The following SHTN1 variants were observed in gnomAD, a reference collection of about 807,000 sequenced individuals.
SHTN1 encodes shootin 1, also known as shootin-1.
SHTN1 carries 42 observed loss-of-function variants against 83.1 expected under a neutral mutation model. The observed-to-expected ratio is 0.51, with a 90% CI of 0.39 to 0.65. The LOEUF (loss-of-function observed/expected upper bound fraction) is 0.65. Ranked by LOEUF, SHTN1 falls within the 30% of genes least tolerant of loss-of-function variation. SHTN1 has a pLI of 0.00. For missense variants in SHTN1, 622 were observed against 737.8 expected, an observed-to-expected ratio of 0.84 and a Z score of 1.82; for synonymous variants, 224 against 247.7, an observed-to-expected ratio of 0.90 and a Z score of 0.90.
intron 11 of SHTN1, among the ~76,000 whole-genome samples, chr10:116,927,013 C>T (rs1311944725): frequency 6.6e-6 from 1 of 152,134 alleles, no homozygotes; most frequent in Non-Finnish European, 1.5e-5. Flanking sequence ...TAAACATAAT[C>T]TATCTTTCTT....
At position 116,884,266 on chromosome 10, in the gene SHTN1, C is replaced by A. The variant is rs1264567231; in HGVS notation, c.*2078G>T. ...TCCCTTGCTTTGGTTGACAGTGTCA[C>A]CCCAGCCAGGGGCAAAACCCCCTCA... On this transcript the variant is annotated 3_prime_UTR_variant, in exon 17 of 17. Transcript: ENST00000355371. The A allele has an allele frequency of 6.5e-6, 3 of 459,160 alleles. No homozygotes were observed. In the Admixed American group the frequency reaches 7.0e-5, roughly 11 times the overall value. The allele number at this position is 459,160 out of a possible 1,614,324, so 28.4% of individuals were successfully genotyped here.
chr10:117,093,883 T>A (rs1339021386), intron 1 of SHTN1, among the ~76,000 whole-genome samples: 2 of 152,192 alleles, frequency 1.3e-5, no homozygotes, highest in East Asian at 3.8e-4. Flanking sequence ...TCAAGGGTAG[T>A]TGTGCACTCA....
chr10:116,921,540 A>C (rs762355460), intron 11 of SHTN1, 24 bp from the exon 12 acceptor site: 3 of 1,563,196 alleles, frequency 1.9e-6, no homozygotes, highest in East Asian at 4.5e-5. Flanking sequence ...AAAAAGATCA[A>C]CAGGAGATTA....
chr10:117,070,436 T>C (rs548913409), intron 1 of SHTN1, among the ~76,000 whole-genome samples: 1 of 152,218 alleles, frequency 6.6e-6, no homozygotes, highest in African/African-American at 2.4e-5. Context: ...CTATGCTTTT[T>C]TTCCCCCTCA....
At chr10:116,997,907 A>C (rs1268002888) in intron 1 of SHTN1, among the ~76,000 whole-genome samples, 1 of 152,194 alleles carries the variant, frequency 6.6e-6, no homozygotes, top group Non-Finnish European at 1.5e-5. Context: ...CCTGGCTAAC[A>C]CGGTGAAACA....
chr10:116,948,292 T>A (rs1274984778), intron 7 of SHTN1, among the ~76,000 whole-genome samples: 1 of 152,156 alleles, frequency 6.6e-6, no homozygotes, highest in Non-Finnish European at 1.5e-5. Context: ...TGGAGACACT[T>A]CCCTCTCACC....
At chr10:117,106,362 G>A (rs1252537236) in intron 1 of SHTN1, among the ~76,000 whole-genome samples, 1 of 151,692 alleles carries the variant, frequency 6.6e-6, no homozygotes, top group African/African-American at 2.4e-5. Context: ...GGCTGAGGCA[G>A]GAGAATTGCT....
chr10:116,954,091 G>A lies in SHTN1; in HGVS notation c.387C>T (p.Asp129=), dbSNP rs140571821. 4.4e-5 allele frequency: 71 copies of A among 1,613,776 alleles called. No individual in the cohort carries two copies. Among genetic ancestry groups the A allele is most frequent in the Middle Eastern group, 1.6e-4 (1 of 6,062 alleles). Residue 129 remains aspartate, a synonymous_variant, in exon 5 of 17, where the codon GAC becomes GAT. Coordinates refer to ENST00000355371, the MANE Select transcript of SHTN1 (RefSeq NM_001127211.3). The part of the protein sequence containing the change: ...IDDEDSTTDT[D]GAAETCVSVQ... The stretch of plus-strand genomic sequence containing the variant: ...CTGAGACACAAGTCTCGGCGGCACC[G>A]TCTGTGTCTGTAGTCGAATCTTCAT...
chr10:117,122,142 T>C (rs1286474086), intron 1 of SHTN1, among the ~76,000 whole-genome samples: 1 of 152,180 alleles, frequency 6.6e-6, no homozygotes, highest in Non-Finnish European at 1.5e-5. Flanking sequence ...ACTGTATTTG[T>C]ATTTACTTTA....
Position 117,116,533 on chromosome 10 carries a change from G to C in SHTN1, c.-189+9774C>G, listed in dbSNP as rs147147812. Among the ~76,000 whole-genome samples the C allele has an allele frequency of 2.0e-4, 30 of 152,140 alleles. No homozygotes were observed. In the East Asian group the frequency reaches 5.6e-3, roughly 28 times the overall value. ...AAACTCTTCCCAAAAAAATTAAAGA[G>C]GAGGGAATATTTCCAAATTCATTCT... On this transcript the variant is annotated intron_variant, in intron 1 of 17. Transcript: ENST00000392901.
rs780261992 is a variant in SHTN1 at position 116,906,701 on chromosome 10, T to C, written c.1406A>G (p.Asp469Gly). 3.2e-5 allele frequency: 52 copies of C among 1,613,354 alleles called. 1 individual carries two copies. In the South Asian group the frequency reaches 5.7e-4, roughly 18 times the overall value. ...TAACTCAGTTTCACTGTTTTCAGGG[T>C]CAAGGGATTTTAAGCTTCTTGAACT... ...STSSRSLKSL[D>G]PENSETELER... Residue 469 changes from aspartate to glycine, a missense_variant, in exon 15 of 17, where the codon GAC (aspartate) becomes GGC (glycine). Physicochemically the swap from Asp to Gly is moderately conservative, Grantham distance 94. Transcript: ENST00000355371.
At chr10:117,065,669 G>C (rs577302027) in intron 1 of SHTN1, among the ~76,000 whole-genome samples, 2 of 147,254 alleles carry the variant, frequency 1.4e-5, no homozygotes, top group Admixed American at 1.4e-4. Flanking sequence ...AGTGAACCAA[G>C]ATAGCACCAC....
upstream of SHTN1, among the ~76,000 whole-genome samples, chr10:117,007,027 G>A (rs1295079131): frequency 6.6e-6 from 1 of 152,074 alleles, no homozygotes; most frequent in Non-Finnish European, 1.5e-5. Context: ...TTTTAATACA[G>A]TGTATTAAAA....
intron 1 of SHTN1, chr10:117,048,547 A>G (rs1041500015): frequency 4.7e-6 from 4 of 851,018 alleles, no homozygotes; most frequent in Non-Finnish European, 5.7e-6. Context: ...GCATTCTAAA[A>G]TACTGTAATT....
intron 1 of SHTN1, among the ~76,000 whole-genome samples, chr10:117,106,494 C>T (rs780600790): frequency 2.0e-5 from 3 of 152,092 alleles, no homozygotes; most frequent in Non-Finnish European, 2.9e-5. Flanking sequence ...TAATGATGTC[C>T]TATGTTGAGA....
chr10:116,898,762 C>CA (rs986571365), intron 16 of SHTN1, among the ~76,000 whole-genome samples: 8 of 151,106 alleles, frequency 5.3e-5, no homozygotes, highest in African/African-American at 7.3e-5. Context: ...AACAAACAAA[C>CA]AAAAAAAACA....
At position 116,885,087 on chromosome 10, in the gene SHTN1, C is replaced by T. The variant is rs796962411; in HGVS notation, c.*1257G>A. On this transcript the variant is annotated 3_prime_UTR_variant, in exon 17 of 17. Coordinates refer to ENST00000355371, the MANE Select transcript of SHTN1 (RefSeq NM_001127211.3). ...TAGGAAGTACATGTACCTGCCTACC[C>T]ACCTCTTCAAGCCTATGCTTACCAC... 1 of 152,566 alleles carries T rather than the reference C, an allele frequency of 6.6e-6. No homozygotes were observed. The highest frequency in any genetic ancestry group is 2.1e-4 in the South Asian group (1 of 4,824). The allele number at this position is 152,566 out of a possible 1,614,324, so 9.5% of individuals were successfully genotyped here.
intron 1 of SHTN1, among the ~76,000 whole-genome samples, chr10:117,063,898 C>A (rs1168847756): frequency 1.3e-5 from 2 of 152,118 alleles, no homozygotes; most frequent in Non-Finnish European, 2.9e-5. Context: ...CAACTTTTAA[C>A]TTTTTTTCTA....
chr10:116,968,071 A>G (rs1030445994), intron 3 of SHTN1, among the ~76,000 whole-genome samples: 1 of 152,162 alleles, frequency 6.6e-6, no homozygotes, highest in Non-Finnish European at 1.5e-5. Flanking sequence ...AGTTCCAGCT[A>G]CTTGGGAGGC....
Sources: allele counts gnomAD v4.1 joint callset (sites outside exome capture counted in the v4.1 genomes callset), GRCh38; gene constraint gnomAD v4.1.1; transcripts MANE v1.5; gene names NCBI Gene and HGNC (gene_info 2026-07-23, HGNC 2026-07-21).